The following QSOX2 variants were observed in gnomAD, a reference collection of about 807,000 sequenced individuals.
QSOX2 encodes quiescin sulfhydryl oxidase 2.
In QSOX2, 46 loss-of-function variants were observed where a neutral mutation model predicts 61.7. The ratio of observed to expected loss-of-function variants is 0.75; its 90% CI spans 0.59 to 0.95. QSOX2 has a LOEUF of 0.95. Ranked by LOEUF, QSOX2 falls within the 40% of genes least tolerant of loss-of-function variation. The probability of loss-of-function intolerance (pLI) is 0.00; values close to 1 mark genes in which losing one functional copy is unlikely to be tolerated. For missense variants in QSOX2, 879 were observed against 918.9 expected, an observed-to-expected ratio of 0.96 and a Z score of 0.56; for synonymous variants, 383 against 388.4, an observed-to-expected ratio of 0.99 and a Z score of 0.16.
At position 136,221,928 on chromosome 9, in the gene QSOX2, A is replaced by G; in HGVS notation, c.689T>C (p.Leu230Pro). 6.3e-7 allele frequency: 1 copy of G among 1,599,532 alleles called. No homozygotes were observed. Among genetic ancestry groups the G allele is most frequent in the Non-Finnish European group, 8.5e-7 (1 of 1,173,208 alleles). Residue 230 changes from leucine to proline, a missense_variant, in exon 6 of 12, where the codon CTG (leucine) becomes CCG (proline). Leu to Pro is a moderately conservative substitution (Grantham distance 98, BLOSUM62 -3). Transcript: ENST00000358701. The surrounding 1 kb of genome is among the most constrained non-coding windows in gnomAD (Gnocchi z 4.5). ...SYLGREVILD[L>P]IPYESIVVTR... ...CACCACGATGCTTTCATACGGGATCAGGTCTAAGATCACCTGGGGGATGAG... is the reference window on the plus strand; with the variant it reads ...CACCACGATGCTTTCATACGGGATCGGGTCTAAGATCACCTGGGGGATGAG...
Position 136,245,716 on chromosome 9 carries a change from C to A in QSOX2, c.88G>T (p.Ala30Ser). 11 of 1,143,426 alleles carry A rather than the reference C, an allele frequency of 9.6e-6. No individual in the cohort carries two copies. The highest frequency in any genetic ancestry group is 1.2e-5 in the Non-Finnish European group (11 of 932,316). The allele number at this position is 1,143,426 out of a possible 1,614,324, so 70.8% of individuals were successfully genotyped here. Residue 30 changes from alanine (A) to serine (S), a missense_variant, in exon 1 of 12, where the codon GCC becomes TCC. Physicochemically the swap from Ala to Ser is moderately conservative, Grantham distance 99. Transcript: ENST00000358701. Reference protein sequence around the residue: ...LRARRSPPPRAARLPRLLVLL... With the variant: ...LRARRSPPPRSARLPRLLVLL... The stretch of plus-strand genomic sequence containing the variant: ...ACTAGCAGCCGCGGCAGCCGTGCGG[C>A]CCGCGGCGGGGGCGAGCGCCGGGCT...
Position 136,211,264 on chromosome 9 carries a change from C to T in QSOX2, c.1549G>A (p.Gly517Ser), listed in dbSNP as rs1321791150. 1 of 1,613,550 alleles carries T rather than the reference C, an allele frequency of 6.2e-7. No homozygotes were observed. Among genetic ancestry groups the T allele is most frequent in the Non-Finnish European group, 8.5e-7 (1 of 1,179,636 alleles). The change falls in exon 11 of 12, where the codon GGC (glycine) becomes AGC (serine). Residue 517 changes from glycine (G) to serine (S), a missense_variant and splice_region_variant. Physicochemically the swap from Gly to Ser is moderately conservative, Grantham distance 56 (BLOSUM62 0). Coordinates refer to ENST00000358701, the MANE Select transcript of QSOX2 (RefSeq NM_181701.4). ...CCCCCCATGCCCAGGGGCTTCTCAC[C>T]TGCCAGGCGGCCGTTCACCATATTA... ...KHNMVNGRLA[G>S]HLSEDPRFPK...
chr9:136,216,194 G>A (rs966526098), intron 9 of QSOX2, among the ~76,000 whole-genome samples: 8 of 152,244 alleles, frequency 5.3e-5, no homozygotes. Context: ...ACCTCTTGGG[G>A]TGCTGGTCCC....
At chr9:136,216,465 G>A in intron 9 of QSOX2, 135 bp downstream of exon 9, 3 of 1,216,682 alleles carry the variant, frequency 2.5e-6, no homozygotes, top group Non-Finnish European at 3.5e-6. Context: ...TGCTGTCGTG[G>A]AGACAGTAAG....
chr9:136,232,058 G>A (rs973950758), intron 1 of QSOX2, among the ~76,000 whole-genome samples: 7 of 152,286 alleles, frequency 4.6e-5, no homozygotes, highest in East Asian at 1.9e-4. Flanking sequence ...TCCTCACTTC[G>A]TGTCACTGAC....
intron 1 of QSOX2, among the ~76,000 whole-genome samples, chr9:136,237,187 C>T (rs1830392453): frequency 1.4e-5 from 2 of 146,158 alleles, no homozygotes; most frequent in African/African-American, 5.1e-5. Flanking sequence ...CCGTCCTGTG[C>T]CACACCTGGA....
rs1378149095 is a variant in QSOX2, at chr9:136,221,845, G to A, written c.772C>T (p.Pro258Ser). 4.3e-6 allele frequency: 7 copies of A among 1,612,642 alleles called. No individual in the cohort carries two copies. The highest frequency in any genetic ancestry group is 1.3e-5 in the African/African-American group (1 of 75,004). Residue 258 changes from proline to serine, a missense_variant, in exon 6 of 12, where the codon CCT becomes TCT. Pro to Ser is a moderately conservative substitution (Grantham distance 74). Transcript: ENST00000358701. The surrounding 1 kb of genome is among the most constrained non-coding windows in gnomAD (Gnocchi z 4.5). ...TTTGGGTAGATCAGGTAACACGAAG[G>A]GACTGAAGAAACACCAAGTTTCTCC... ...FLEKLGVSSV[P>S]SCYLIYPNGS...
At chr9:136,229,319 C>T (rs1024605111) in intron 1 of QSOX2, among the ~76,000 whole-genome samples, 21 of 152,212 alleles carry the variant, frequency 1.4e-4, no homozygotes, top group African/African-American at 4.8e-4. Flanking sequence ...GCACGGGACG[C>T]GGAAACAGGA....
intron 1 of QSOX2, among the ~76,000 whole-genome samples, chr9:136,232,302 A>C (rs62579028): frequency 0.051 from 7,818 of 152,216 alleles, 263 homozygotes; most frequent in African/African-American, 0.083. Flanking sequence ...TTCGTGACAC[A>C]TGGGAAGGGG....
chr9:136,215,260 A>G lies in QSOX2; in HGVS notation c.1254T>C (p.Cys418=). The G allele has an allele frequency of 1.9e-6, 3 of 1,614,088 alleles. No homozygotes were observed. The South Asian group carries it at 3.3e-5, about 18-fold the overall frequency. ...FLTNHIKWVG[C]QGSRSELRGY... ...CCCTCAACTCAGATCGGCTTCCTTGACATCCAACCCACTTTATGTGATTAG... is the reference window on the plus strand; with the variant it reads ...CCCTCAACTCAGATCGGCTTCCTTGGCATCCAACCCACTTTATGTGATTAG... Residue 418 remains cysteine, a synonymous_variant, in exon 10 of 12, where the codon TGT becomes TGC. Coordinates refer to ENST00000358701, the MANE Select transcript of QSOX2 (RefSeq NM_181701.4).
At chr9:136,231,359 C>T (rs1166364209) in intron 1 of QSOX2, among the ~76,000 whole-genome samples, 4 of 152,254 alleles carry the variant, frequency 2.6e-5, no homozygotes, top group Admixed American at 1.3e-4. Flanking sequence ...GCATCAGCTA[C>T]GCCCTGAGGC....
chr9:136,243,320 A>G (rs1022019094), intron 1 of QSOX2, among the ~76,000 whole-genome samples: 6 of 152,224 alleles, frequency 3.9e-5, no homozygotes, highest in African/African-American at 9.6e-5. Context: ...GTCTGACAGC[A>G]TTCAGGTCTG....
chr9:136,236,733 T>C (rs1240280873), intron 1 of QSOX2, among the ~76,000 whole-genome samples: 5 of 146,264 alleles, frequency 3.4e-5, no homozygotes, highest in South Asian at 2.2e-4. Flanking sequence ...TCGTCCTGGG[T>C]CTGCGTCACC....
chr9:136,208,625 G>C lies in QSOX2; in HGVS notation c.*103C>G. Reference sequence around the variant, plus strand: ...TGCCATCCGATGTGAAACCAGGCCCGCATGTTTATAAAATCCCTGATCATA... The same window carrying C: ...TGCCATCCGATGTGAAACCAGGCCCCCATGTTTATAAAATCCCTGATCATA... On this transcript the variant is annotated 3_prime_UTR_variant, in exon 12 of 12. Transcript: ENST00000358701. The C allele has an allele frequency of 7.4e-7, 1 of 1,355,326 alleles. No individual in the cohort carries two copies. Among genetic ancestry groups the C allele is most frequent in the Middle Eastern group, 2.6e-4 (1 of 3,826 alleles). 84.0% of individuals were successfully genotyped at this position (1,355,326 alleles called of 1,614,324 possible). A position where few individuals can be genotyped will look rare whatever the true frequency, so the allele number is the denominator to read the frequency against.
At chr9:136,215,991 A>G (rs980820548) in intron 9 of QSOX2, among the ~76,000 whole-genome samples, 2 of 152,248 alleles carry the variant, frequency 1.3e-5, no homozygotes, top group Non-Finnish European at 2.9e-5. Flanking sequence ...CAGCCAGCAA[A>G]TGACAAAGCT....
intron 10 of QSOX2, among the ~76,000 whole-genome samples, chr9:136,214,366 C>T (rs544713026): frequency 2.6e-5 from 4 of 152,364 alleles, no homozygotes; most frequent in South Asian, 2.1e-4. Flanking sequence ...CCTCCCCTTG[C>T]GAGTGGCCTG....
chr9:136,219,849 T>G (rs1311250443), intron 6 of QSOX2, among the ~76,000 whole-genome samples: 1 of 152,208 alleles, frequency 6.6e-6, no homozygotes, highest in Non-Finnish European at 1.5e-5. Context: ...AGATGATACT[T>G]TTAACACTAA....
At chr9:136,236,537 G>A (rs1830383562) in intron 1 of QSOX2, among the ~76,000 whole-genome samples, 1 of 152,240 alleles carries the variant, frequency 6.6e-6, no homozygotes, top group Non-Finnish European at 1.5e-5. Context: ...CCAAACCACA[G>A]GCCCCCTGGC....
chr9:136,230,984 C>T (rs1830324037), intron 1 of QSOX2, among the ~76,000 whole-genome samples: 1 of 152,242 alleles, frequency 6.6e-6, no homozygotes, highest in Non-Finnish European at 1.5e-5. Context: ...TCAGCAAGGA[C>T]TTCCCTGACC....
Sources: gnomAD v4.1 joint callset for allele counts (sites outside exome capture counted in the v4.1 genomes callset) on GRCh38, gnomAD v4.1.1 for gene constraint, Gnocchi (gnomAD v3.1) non-coding constraint, MANE v1.5 for transcripts, NCBI Gene and HGNC (gene_info 2026-07-23, HGNC 2026-07-21) for gene names.